Variants in ZFAT observed in about 807,000 individuals in gnomAD.
ZFAT encodes the protein zinc finger and AT-hook domain containing, also known as zinc finger protein ZFAT.
A neutral mutation model predicts 117.7 loss-of-function variants in ZFAT; 64 were observed. The ratio of observed to expected loss-of-function variants is 0.54; its 90% CI spans 0.44 to 0.67. The LOEUF (loss-of-function observed/expected upper bound fraction) is 0.67. ZFAT is among the 30% of genes least tolerant of loss of function. The pLI is 0.00. For missense variants in ZFAT, 1,433 were observed against 1,584.5 expected, an observed-to-expected ratio of 0.90 and a Z score of 1.62; for synonymous variants, 679 against 615.0, an observed-to-expected ratio of 1.10 and a Z score of -1.54.
At chr8:134,633,204 GTC>G (rs1039252609) in intron 3 of ZFAT, among the ~76,000 whole-genome samples, 2 of 146,798 alleles carry the variant, frequency 1.4e-5, no homozygotes, top group Non-Finnish European at 3.0e-5. Context: ...AACTATCTGT[GTC>G]TCTGTTTCCT....
chr8:134,554,241 CAGGCACTGTCAG>C, intron 11 of ZFAT, among the ~76,000 whole-genome samples: 1 of 152,346 alleles, frequency 6.6e-6, no homozygotes, highest in East Asian at 1.9e-4. Flanking sequence ...CAGACACTGA[CAGGCACTGTCAG>C]AATCACAGGG....
chr8:134,744,878 C>T, the ZFAT span, among the ~76,000 whole-genome samples: 17 of 151,924 alleles, frequency 1.1e-4, no homozygotes, highest in East Asian at 3.9e-4. Context: ...TACAGGCGCC[C>T]GCCACCAGGC....
At chr8:134,699,764 T>C (rs2131354009) in intron 1 of ZFAT, among the ~76,000 whole-genome samples, 1 of 152,330 alleles carries the variant, frequency 6.6e-6, no homozygotes, top group South Asian at 2.1e-4. Context: ...GAACGATGGC[T>C]GGAGAGCACC....
chr8:134,725,892 G>A, the ZFAT span, among the ~76,000 whole-genome samples: 1 of 152,304 alleles, frequency 6.6e-6, no homozygotes, highest in Non-Finnish European at 1.5e-5. Context: ...AGTAATTACC[G>A]TGTGGCGGTC....
chr8:134,616,907 A>T (rs1241769457), intron 3 of ZFAT, among the ~76,000 whole-genome samples: 1 of 152,180 alleles, frequency 6.6e-6, no homozygotes, highest in Non-Finnish European at 1.5e-5. Flanking sequence ...ATAAAATATA[A>T]ATAAGGACCT....
At chr8:134,747,891 T>C in the ZFAT span, among the ~76,000 whole-genome samples, 1 of 152,232 alleles carries the variant, frequency 6.6e-6, no homozygotes, top group Non-Finnish European at 1.5e-5. Flanking sequence ...GATAGCCACC[T>C]GGGCTTTGGT....
rs1586791601 is a variant in ZFAT at position 134,601,416 on chromosome 8, C to T, written c.2242+61G>A. 3.9e-5 allele frequency: 60 copies of T among 1,531,504 alleles called. 1 individual carries two copies. The highest frequency in any genetic ancestry group is 1.3e-4 in the South Asian group (10 of 77,894). The allele number at this position is 1,531,504 out of a possible 1,614,324, so 94.9% of individuals were successfully genotyped here. On this transcript the variant is annotated intron_variant, in intron 6 of 15. Transcript: ENST00000377838. ...AACAGACATGAGCTCAAATCAAATG[C>T]GAGGTGACCACAGCATGATGGTTGT...
chr8:134,699,879 C>T (rs575735624), intron 1 of ZFAT, among the ~76,000 whole-genome samples: 4 of 152,264 alleles, frequency 2.6e-5, no homozygotes, highest in South Asian at 2.1e-4. Flanking sequence ...GACAAGGCAC[C>T]GGGGCAGGAG....
chr8:134,784,103 T>C, the ZFAT span: 3 of 152,238 alleles, frequency 2.0e-5, no homozygotes, highest in Non-Finnish European at 4.4e-5. Flanking sequence ...TTCCAGGGGC[T>C]TAGCGCTGTG....
At chr8:134,698,798 A>G (rs1194495276) in intron 1 of ZFAT, among the ~76,000 whole-genome samples, 1 of 152,026 alleles carries the variant, frequency 6.6e-6, no homozygotes, top group African/African-American at 2.4e-5. Flanking sequence ...AATCCCATCA[A>G]TGTTCCTGCC....
At chr8:134,501,798 G>T (rs1222067466) in intron 15 of ZFAT, among the ~76,000 whole-genome samples, 1 of 152,164 alleles carries the variant, frequency 6.6e-6, no homozygotes, top group Non-Finnish European at 1.5e-5. Flanking sequence ...GCCTCTGTGG[G>T]AACAAGAAAA....
chr8:134,750,669 G>C, the ZFAT span, among the ~76,000 whole-genome samples: 1 of 152,204 alleles, frequency 6.6e-6, no homozygotes, highest in African/African-American at 2.4e-5. Flanking sequence ...AGGAGGCTGA[G>C]GTGAGAGGAT....
At chr8:134,776,120 C>A in the ZFAT span, among the ~76,000 whole-genome samples, 19 of 152,288 alleles carry the variant, frequency 1.2e-4, no homozygotes, top group East Asian at 5.8e-4. Flanking sequence ...ACAGAAGATC[C>A]TCTGTCCACA....
intron 1 of ZFAT, among the ~76,000 whole-genome samples, chr8:134,661,141 C>T (rs754508693): frequency 5.3e-5 from 8 of 152,210 alleles, no homozygotes; most frequent in Non-Finnish European, 8.8e-5. Context: ...GCTTCTCAGC[C>T]GAGAGACAAC....
intron 10 of ZFAT, among the ~76,000 whole-genome samples, chr8:134,566,249 C>A (rs1168470983): frequency 1.3e-5 from 2 of 151,962 alleles, no homozygotes; most frequent in East Asian, 3.9e-4. Context: ...AAAAAATTAG[C>A]CAGGCGCAGT....
In ZFAT at chr8:134,492,474, A is replaced by G. The variant is rs1231499550; in HGVS notation, c.3493-13753T>C. On this transcript the variant is annotated intron_variant, in intron 15 of 15. Transcript: ENST00000377838. ...ACAACCTAACAACAAGAATGAAAAA[A>G]GAATCTACCTGCAGTCGATTCTTAC... Among the ~76,000 whole-genome samples, 12 of 152,372 alleles carry G rather than the reference A, an allele frequency of 7.9e-5. No individual in the cohort carries two copies. In the South Asian group the frequency reaches 2.5e-3, roughly 32 times the overall value.
At chr8:134,565,017 T>G in intron 11 of ZFAT, 1 of 1,311,318 alleles carries the variant, frequency 7.6e-7, no homozygotes. Context: ...AAAGCAAAAA[T>G]ACGTGTCCCT....
chr8:134,620,392 C>T (rs1563685646), intron 3 of ZFAT, among the ~76,000 whole-genome samples: 1 of 152,214 alleles, frequency 6.6e-6, no homozygotes, highest in Non-Finnish European at 1.5e-5. Flanking sequence ...GCACGCTGCA[C>T]AGTCAACTGC....
intron 10 of ZFAT, among the ~76,000 whole-genome samples, chr8:134,583,173 T>G (rs1825826408): frequency 6.6e-6 from 1 of 152,078 alleles, no homozygotes; most frequent in Non-Finnish European, 1.5e-5. Context: ...TCACTGCACT[T>G]ACCTTTACCG....
Sources: allele counts gnomAD v4.1 joint callset (sites outside exome capture counted in the v4.1 genomes callset), GRCh38; gene constraint gnomAD v4.1.1; transcripts MANE v1.5; gene names NCBI Gene and HGNC (gene_info 2026-07-23, HGNC 2026-07-21).